The following LRRC69 variants were observed in gnomAD, a reference collection of about 807,000 sequenced individuals.
The protein encoded by LRRC69 is leucine rich repeat containing 69, also known as leucine-rich repeat-containing protein 69.
In LRRC69, 42 loss-of-function variants were observed where a neutral mutation model predicts 37.8. The ratio of observed to expected loss-of-function variants is 1.11; its 90% CI spans 0.87 to 1.44. LRRC69 has a LOEUF of 1.44. LRRC69 is among the 40% of genes most tolerant of loss of function. The pLI is 0.00. For synonymous variants in LRRC69, 141 were observed against 143.1 expected, an observed-to-expected ratio of 0.99 and a Z score of 0.11; for missense variants, 357 against 401.9, an observed-to-expected ratio of 0.89 and a Z score of 0.96.
At chr8:91,217,559 A>C (rs545861044) in intron 7 of LRRC69, among the ~76,000 whole-genome samples, 5 of 152,164 alleles carry the variant, frequency 3.3e-5, no homozygotes, top group African/African-American at 1.2e-4. Context: ...ACTAATCACC[A>C]TTGTCAGAGG....
chr8:91,191,389 T>G (rs891596198), intron 6 of LRRC69, among the ~76,000 whole-genome samples: 6 of 152,186 alleles, frequency 3.9e-5, no homozygotes, highest in African/African-American at 1.4e-4. Flanking sequence ...AACACTTATT[T>G]TATGCCTATT....
At chr8:91,135,534 G>T in intron 4 of LRRC69, 134 bp from the exon 5 acceptor site, 1 of 507,754 alleles carries the variant, frequency 2.0e-6, no homozygotes. Flanking sequence ...AAGATGTGCT[G>T]AAGAATTGGT....
chr8:91,163,961 G>C (rs1373366440), intron 5 of LRRC69, among the ~76,000 whole-genome samples: 1 of 151,382 alleles, frequency 6.6e-6, no homozygotes, highest in Non-Finnish European at 1.5e-5. Context: ...TCTTGACTGA[G>C]AAGGTATCTC....
intron 4 of LRRC69, 189 bp downstream of exon 4, chr8:91,133,494 G>A (rs1328036830): frequency 2.3e-6 from 1 of 442,498 alleles, no homozygotes; most frequent in East Asian, 3.6e-5. Context: ...ACATAGCTAG[G>A]GCTGCCAGAT....
At chr8:91,138,201 A>G (rs1808453820) in intron 5 of LRRC69, among the ~76,000 whole-genome samples, 1 of 152,020 alleles carries the variant, frequency 6.6e-6, no homozygotes, top group Non-Finnish European at 1.5e-5. Context: ...ATAATGAAAT[A>G]CTAATAAGTA....
chr8:91,184,047 C>T (rs948872793), intron 5 of LRRC69, among the ~76,000 whole-genome samples: 2 of 151,992 alleles, frequency 1.3e-5, no homozygotes, highest in Non-Finnish European at 1.5e-5. Flanking sequence ...TTTCGGAGGT[C>T]GAATTGGGTG....
rs143029085 is a variant in LRRC69 at position 91,144,008 on chromosome 8, A to G, written c.651+8269A>G. The stretch of plus-strand genomic sequence containing the variant: ...CACTTGTATACATCACATTGTTAGG[A>G]AAGTGTCTCACATAACATTTGGTGG... On this transcript the variant is annotated intron_variant, in intron 5 of 7. Transcript: ENST00000448384. Among the ~76,000 whole-genome samples the G allele has an allele frequency of 4.0e-3, 606 of 152,158 alleles. 1 individual carries two copies. The highest frequency in any genetic ancestry group is 0.014 in the African/African-American group (564 of 41,568).
At chr8:91,108,503 G>T (rs962441062) in intron 1 of LRRC69, among the ~76,000 whole-genome samples, 1 of 152,026 alleles carries the variant, frequency 6.6e-6, no homozygotes, top group African/African-American at 2.4e-5. Flanking sequence ...TGCTGTAAAG[G>T]AGAATTGTGT....
intron 1 of LRRC69, among the ~76,000 whole-genome samples, chr8:91,116,910 C>G (rs1813520764): frequency 6.6e-6 from 1 of 151,958 alleles, no homozygotes. Context: ...TACATTGAAC[C>G]TAGATTCTAT....
intron 5 of LRRC69, among the ~76,000 whole-genome samples, chr8:91,182,174 A>G (rs1485552694): frequency 6.6e-6 from 1 of 152,136 alleles, no homozygotes; most frequent in Non-Finnish European, 1.5e-5. Context: ...TTACAACTAT[A>G]CAACCCATTG....
At chr8:91,162,707 G>T (rs1385486228) in intron 5 of LRRC69, among the ~76,000 whole-genome samples, 1 of 151,078 alleles carries the variant, frequency 6.6e-6, no homozygotes, top group Admixed American at 6.6e-5. Flanking sequence ...TATCCATTCA[G>T]CCTGTTTAAA....
chr8:91,160,087 T>C (rs971533969), intron 5 of LRRC69, among the ~76,000 whole-genome samples: 3 of 151,264 alleles, frequency 2.0e-5, no homozygotes, highest in African/African-American at 7.3e-5. Context: ...TAGGTATCAT[T>C]GTGGAAATCT....
chr8:91,133,285 A>T (rs1181848149), exon 4 of LRRC69: 1 of 1,506,782 alleles, frequency 6.6e-7, no homozygotes, highest in Admixed American at 2.7e-5. Flanking sequence ...AGCCAGAAAC[A>T]ACATTGGAGT....
intron 5 of LRRC69, among the ~76,000 whole-genome samples, chr8:91,137,528 C>A (rs1423494326): frequency 6.6e-6 from 1 of 151,996 alleles, no homozygotes; most frequent in African/African-American, 2.4e-5. Flanking sequence ...ATTTATTATT[C>A]ACCTTTCACC....
intron 6 of LRRC69, among the ~76,000 whole-genome samples, 186 bp from the exon 7 acceptor site, chr8:91,200,427 G>A (rs1259806511): frequency 6.6e-6 from 1 of 152,222 alleles, no homozygotes; most frequent in East Asian, 1.9e-4. Flanking sequence ...TTCTTATATT[G>A]ATGAAAACCA....
At chr8:91,116,539 CATATAT>C (rs66744420) in intron 1 of LRRC69, among the ~76,000 whole-genome samples, 8,035 of 150,628 alleles carry the variant, frequency 0.053, 305 homozygotes, top group Middle Eastern at 0.17. Context: ...TGTCTGTATA[CATATAT>C]ATATATATTT....
chr8:91,186,362 C>T (rs900693543), intron 5 of LRRC69, among the ~76,000 whole-genome samples: 11 of 152,130 alleles, frequency 7.2e-5, no homozygotes, highest in East Asian at 1.9e-4. Context: ...AGGAAACATT[C>T]GATAGAGGCT....
intron 5 of LRRC69, among the ~76,000 whole-genome samples, chr8:91,163,040 T>C (rs1409151892): frequency 6.6e-6 from 1 of 151,390 alleles, no homozygotes; most frequent in Admixed American, 6.6e-5. Flanking sequence ...TGGCTTTTAT[T>C]TTCCAGATCA....
intron 3 of LRRC69, among the ~76,000 whole-genome samples, chr8:91,129,808 T>C (rs1813778002): frequency 6.6e-6 from 1 of 152,020 alleles, no homozygotes; most frequent in Non-Finnish European, 1.5e-5. Flanking sequence ...TTGTCATCTC[T>C]CTCTGAAGTC....
Sources: gnomAD v4.1 joint callset for allele counts (sites outside exome capture counted in the v4.1 genomes callset) on GRCh38, gnomAD v4.1.1 for gene constraint, MANE v1.5 for transcripts, NCBI Gene and HGNC (gene_info 2026-07-23, HGNC 2026-07-21) for gene names.